Variants in SPAG1 observed in about 807,000 individuals in gnomAD.
SPAG1 encodes the protein sperm-associated antigen 1.
A neutral mutation model predicts 100.5 loss-of-function variants in SPAG1; 69 were observed. The ratio of observed to expected loss-of-function variants is 0.69; its 90% CI spans 0.57 to 0.84. The LOEUF is 0.84. SPAG1 is among the 40% of genes least tolerant of loss of function. SPAG1 has a pLI of 0.00. For missense variants in SPAG1, 955 were observed against 1,133.1 expected (o/e 0.84, Z 2.26); for synonymous variants, 336 against 411.6 (o/e 0.82, Z 2.22).
chr8:100,189,476 CAA>C (rs1288735009), intron 8 of SPAG1, among the ~76,000 whole-genome samples: 1 of 150,288 alleles, frequency 6.7e-6, no homozygotes, highest in Non-Finnish European at 1.5e-5. Context: ...GAATCCATCT[CAA>C]AAAAAACCAT....
At chr8:100,211,638 T>C (rs1817720586) in intron 10 of SPAG1, among the ~76,000 whole-genome samples, 2 of 152,166 alleles carry the variant, frequency 1.3e-5, no homozygotes, top group South Asian at 4.1e-4. Flanking sequence ...CCCTGGGCAA[T>C]AGAGCAAGAC....
At chr8:100,198,422 C>T (rs111408149) in intron 10 of SPAG1, among the ~76,000 whole-genome samples, 2,580 of 152,028 alleles carry the variant, frequency 0.017, 70 homozygotes, top group African/African-American at 0.059. Context: ...AAAGTTTCTA[C>T]AAAACAATAA....
chr8:100,168,326 CT>C (rs1387966489), intron 3 of SPAG1, among the ~76,000 whole-genome samples: 2 of 152,078 alleles, frequency 1.3e-5, no homozygotes, highest in Non-Finnish European at 2.9e-5. Context: ...TTTCATGTAA[CT>C]TCTATTGTGA....
rs753211986 is a variant in SPAG1 at position 100,213,835 on chromosome 8, T to A, written c.1452T>A (p.Asp484Glu). 6.3e-7 allele frequency: 1 copy of A among 1,585,260 alleles called. No homozygotes were observed. Among genetic ancestry groups the A allele is most frequent in the South Asian group, 1.1e-5 (1 of 88,936 alleles). Residue 484 changes from aspartate to glutamate, a missense_variant, in exon 12 of 19, where the codon GAT becomes GAA. Transcript: ENST00000388798. The part of the protein sequence containing the change: ...LLEPAGSEIA[D>E]DLSILYSNRA... Reference sequence around the variant, plus strand: ...GATTTTTAGGAAGTGAAATTGCAGATGATCTAAGTATCTTATATTCAAATA... The same window carrying A: ...GATTTTTAGGAAGTGAAATTGCAGAAGATCTAAGTATCTTATATTCAAATA...
intron 10 of SPAG1, among the ~76,000 whole-genome samples, chr8:100,208,395 G>A (rs760517736): frequency 1.3e-5 from 2 of 152,134 alleles, no homozygotes; most frequent in Non-Finnish European, 2.9e-5. Context: ...CTCTGATTAA[G>A]GTCAATGGGA....
chr8:100,213,536 G>C, intron 11 of SPAG1, 108 bp downstream of exon 11: 1 of 901,720 alleles, frequency 1.1e-6, no homozygotes, highest in Non-Finnish European at 1.5e-6. Context: ...GACAGGCGCC[G>C]GCATCGCTGC....
chr8:100,237,085 A>C (rs1490677398), intron 16 of SPAG1, among the ~76,000 whole-genome samples: 6 of 151,704 alleles, frequency 4.0e-5, no homozygotes, highest in African/African-American at 1.5e-4. Context: ...ATTGTTTGTT[A>C]TTTGTTTATT....
At chr8:100,222,773 G>A (rs1264992271) in intron 13 of SPAG1, among the ~76,000 whole-genome samples, 2 of 152,202 alleles carry the variant, frequency 1.3e-5, no homozygotes, top group Admixed American at 1.3e-4. Context: ...AAAAAATTGA[G>A]GTAGAATTCA....
rs1788190 is a variant in SPAG1 at position 100,240,956 on chromosome 8, G to A, written c.2715G>A (p.Ser905=). 0.35 allele frequency: 567,670 copies of A among 1,611,486 alleles called. 104,519 individuals are homozygous for A. Among genetic ancestry groups the A allele is most frequent in the East Asian group, 0.49 (21,977 of 44,762 alleles). The change falls in exon 19 of 19, where the codon TCG becomes TCA. Residue 905 remains serine (S), a synonymous_variant. Transcript: ENST00000388798. The part of the protein sequence containing the change: ...ELIEQLFEDL[S]DTPNNHFTLE... ...TTGAACAGCTGTTTGAGGACCTTTC[G>A]GACACACCAAACAACCATTTTACTT...
Position 100,162,358 on chromosome 8 carries a change from T to G in SPAG1, c.78T>G (p.Asp26Glu). ...TCAAAATTCCCATTGAACATCTAGA[T>G]TTCAAATACATTGAAAAATGTTCAG... The part of the protein sequence containing the change: ...KTFKIPIEHL[D>E]FKYIEKCSDV... The change falls in exon 2 of 19, where the codon GAT becomes GAG. Residue 26 changes from aspartate to glutamate, a missense_variant. Physicochemically the swap from Asp to Glu is conservative, Grantham distance 45. Coordinates refer to ENST00000388798, the MANE Select transcript of SPAG1 (RefSeq NM_003114.5). The G allele has an allele frequency of 6.2e-7, 1 of 1,601,586 alleles. No homozygotes were observed. The highest frequency in any genetic ancestry group is 8.5e-7 in the Non-Finnish European group (1 of 1,175,056).
chr8:100,175,987 C>T (rs1489758573), intron 3 of SPAG1, among the ~76,000 whole-genome samples: 1 of 152,180 alleles, frequency 6.6e-6, no homozygotes, highest in Non-Finnish European at 1.5e-5. Context: ...TTTCCCTATC[C>T]CTTCCTGCCT....
intron 10 of SPAG1, among the ~76,000 whole-genome samples, chr8:100,212,532 T>C (rs1225543048): frequency 6.6e-6 from 1 of 152,248 alleles, no homozygotes; most frequent in East Asian, 1.9e-4. Flanking sequence ...GAAAATTTGC[T>C]GTGTTTTTAA....
In SPAG1 at chr8:100,187,110, T is replaced by C; in HGVS notation, c.702-10T>C. 3 of 1,597,968 alleles carry C rather than the reference T, an allele frequency of 1.9e-6. No individual in the cohort carries two copies. Among genetic ancestry groups the C allele is most frequent in the Non-Finnish European group, 2.6e-6 (3 of 1,173,988 alleles). The stretch of plus-strand genomic sequence containing the variant: ...GGCTTGCTTGTTGCCAGTAACTGTT[T>C]CTTTTCTAGGAGCATATCAGCGCTT... On this transcript the variant is annotated splice_polypyrimidine_tract_variant and intron_variant, in intron 7 of 18. Transcript: ENST00000388798.
intron 18 of SPAG1, 31 bp downstream of exon 18, chr8:100,240,802 T>C (rs1390278939): frequency 7.7e-6 from 12 of 1,566,508 alleles, no homozygotes; most frequent in Non-Finnish European, 1.0e-5. Flanking sequence ...TTAGTAGAAA[T>C]TGGTTTTATT....
intron 15 of SPAG1, among the ~76,000 whole-genome samples, chr8:100,232,733 G>A (rs896871446): frequency 2.6e-5 from 4 of 152,162 alleles, no homozygotes; most frequent in African/African-American, 9.7e-5. Context: ...CTAAAACATG[G>A]CAAATGTGTC....
intron 10 of SPAG1, among the ~76,000 whole-genome samples, chr8:100,212,541 A>ACTT (rs1817758668): frequency 6.6e-6 from 1 of 152,226 alleles, no homozygotes; most frequent in African/African-American, 2.4e-5. Flanking sequence ...CTGTGTTTTT[A>ACTT]AGGCTCCCTT....
At chr8:100,178,284 A>C (rs1349224626) in intron 4 of SPAG1, among the ~76,000 whole-genome samples, 2 of 151,840 alleles carry the variant, frequency 1.3e-5, no homozygotes, top group Non-Finnish European at 2.9e-5. Context: ...TCAGGGAACA[A>C]TTGTATATAT....
chr8:100,191,969 C>T (rs1816836290), intron 9 of SPAG1, among the ~76,000 whole-genome samples: 1 of 152,030 alleles, frequency 6.6e-6, no homozygotes, highest in Non-Finnish European at 1.5e-5. Context: ...GAGATTTTCC[C>T]CTGCTTACAA....
At chr8:100,195,244 T>C (rs988839482) in intron 10 of SPAG1, among the ~76,000 whole-genome samples, 2 of 150,892 alleles carry the variant, frequency 1.3e-5, no homozygotes, top group African/African-American at 4.9e-5. Context: ...GGCGGGGCAG[T>C]GGAGGGGGGA....
Sources: allele counts gnomAD v4.1 joint callset (sites outside exome capture counted in the v4.1 genomes callset), GRCh38; gene constraint gnomAD v4.1.1; transcripts MANE v1.5; gene names NCBI Gene and HGNC (gene_info 2026-07-23, HGNC 2026-07-21).